Variants in PPP1R9A observed in about 807,000 individuals in gnomAD.
The protein encoded by PPP1R9A is protein phosphatase 1 regulatory subunit 9A.
A neutral mutation model predicts 141.9 loss-of-function variants in PPP1R9A; 59 were observed. That is an observed-to-expected ratio of 0.42 (90% CI 0.34 to 0.52). The LOEUF is 0.52. PPP1R9A is among the 20% of genes least tolerant of loss of function. PPP1R9A has a pLI of 0.10. For synonymous variants in PPP1R9A, 500 were observed against 569.7 expected (o/e 0.88, Z 1.74); for missense variants, 1,444 against 1,611.9 (o/e 0.90, Z 1.78).
intron 2 of PPP1R9A, among the ~76,000 whole-genome samples, chr7:95,073,748 G>GC (rs1229284032): frequency 7.1e-6 from 1 of 140,210 alleles, no homozygotes; most frequent in East Asian, 2.2e-4. Context: ...AATAAATACT[G>GC]TTTTTTTGCT....
Position 95,267,216 on chromosome 7 carries a change from G to A in PPP1R9A, c.2666-1334G>A, listed in dbSNP as rs1405459209. On this transcript the variant is annotated intron_variant, in intron 12 of 19. Coordinates refer to ENST00000433360, the MANE Select transcript of PPP1R9A (RefSeq NM_001166160.2). ...TTCCTTGCTTTGGTTTTGTAGTATAGCATATTTAGAGCACATCTAGAATAA... is the reference window on the plus strand; with the variant it reads ...TTCCTTGCTTTGGTTTTGTAGTATAACATATTTAGAGCACATCTAGAATAA... 5.3e-5 allele frequency among the ~76,000 whole-genome samples: 8 copies of A among 152,216 alleles called. No homozygotes were observed. In the East Asian group the frequency reaches 1.2e-3, roughly 22 times the overall value.
At chr7:95,137,468 C>T (rs962827860) in intron 4 of PPP1R9A, among the ~76,000 whole-genome samples, 1 of 147,368 alleles carries the variant, frequency 6.8e-6, no homozygotes, top group Non-Finnish European at 1.5e-5. Context: ...TGTGGCTTGC[C>T]TTAAAGCTTT....
At chr7:95,196,819 C>T (rs887752783) in intron 5 of PPP1R9A, among the ~76,000 whole-genome samples, 2 of 152,090 alleles carry the variant, frequency 1.3e-5, no homozygotes, top group African/African-American at 2.4e-5. Context: ...TGTTCTGTAT[C>T]TTCATTGGTG....
intron 14 of PPP1R9A, among the ~76,000 whole-genome samples, chr7:95,271,138 T>G (rs1003924503): frequency 1.3e-5 from 2 of 152,200 alleles, no homozygotes; most frequent in African/African-American, 4.8e-5. Context: ...TATCCCAGCC[T>G]GGCTGTAGCA....
intron 2 of PPP1R9A, among the ~76,000 whole-genome samples, chr7:94,937,345 C>T (rs977768932): frequency 6.6e-6 from 1 of 152,110 alleles, no homozygotes; most frequent in African/African-American, 2.4e-5. Flanking sequence ...CACAGATTGT[C>T]ATTTATTCAT....
intron 2 of PPP1R9A, among the ~76,000 whole-genome samples, chr7:95,059,035 C>T (rs142957554): frequency 6.6e-6 from 1 of 152,250 alleles, no homozygotes; most frequent in African/African-American, 2.4e-5. Flanking sequence ...AGTGATCTAC[C>T]CACCTTGGCC....
chr7:95,042,486 C>G (rs1809395154), intron 2 of PPP1R9A, among the ~76,000 whole-genome samples: 4 of 152,176 alleles, frequency 2.6e-5, no homozygotes, highest in Admixed American at 2.6e-4. Flanking sequence ...TTTTTCATCT[C>G]ATCAAGTGAA....
intron 2 of PPP1R9A, among the ~76,000 whole-genome samples, chr7:95,059,806 G>C (rs927118543): frequency 3.3e-5 from 5 of 152,022 alleles, no homozygotes; most frequent in African/African-American, 9.7e-5. Context: ...TTCCTAATGT[G>C]TACTGTGTCA....
In PPP1R9A at chr7:95,011,359, T is replaced by C. The variant is rs1464157394; in HGVS notation, c.1395+99851T>C. ...GGGAATCTTGGCAGACTGTGCTCTG[T>C]TCTATGAGCTACTGATTGTAGGGGG... On this transcript the variant is annotated intron_variant, in intron 2 of 19. Transcript: ENST00000433360. Among the ~76,000 whole-genome samples the C allele has an allele frequency of 2.0e-5, 3 of 152,180 alleles. No homozygotes were observed. In the East Asian group the frequency reaches 5.8e-4, roughly 29 times the overall value.
chr7:95,277,836 C>A (rs116503439), intron 16 of PPP1R9A, among the ~76,000 whole-genome samples: 1,756 of 152,268 alleles, frequency 0.012, 41 homozygotes, highest in African/African-American at 0.041. Flanking sequence ...AAATAAAATC[C>A]TATTCTGTAT....
At chr7:94,949,748 G>A (rs1312930633) in intron 2 of PPP1R9A, among the ~76,000 whole-genome samples, 1 of 152,036 alleles carries the variant, frequency 6.6e-6, no homozygotes, top group African/African-American at 2.4e-5. Context: ...AAGTTAGAGA[G>A]CGCCTAGGGG....
At chr7:95,137,117 G>A (rs1312208754) in intron 4 of PPP1R9A, among the ~76,000 whole-genome samples, 2 of 151,502 alleles carry the variant, frequency 1.3e-5, no homozygotes, top group East Asian at 3.9e-4. Context: ...TAAGTTCTAG[G>A]GTACATGTGC....
chr7:95,138,363 A>T (rs1826057973), intron 4 of PPP1R9A, among the ~76,000 whole-genome samples: 1 of 152,248 alleles, frequency 6.6e-6, no homozygotes, highest in Non-Finnish European at 1.5e-5. Flanking sequence ...TTCACACCAT[A>T]TACAAAGTTA....
At chr7:95,256,469 A>G (rs1799600635) in intron 12 of PPP1R9A, among the ~76,000 whole-genome samples, 1 of 152,196 alleles carries the variant, frequency 6.6e-6, no homozygotes. Flanking sequence ...AGGAACTTCC[A>G]TAACTTGATA....
Position 95,252,088 on chromosome 7 carries a change from T to C in PPP1R9A, c.2623T>C (p.Leu875=), listed in dbSNP as rs780621514. 1 of 1,606,622 alleles carries C rather than the reference T, an allele frequency of 6.2e-7. No individual in the cohort carries two copies. The highest frequency in any genetic ancestry group is 1.1e-5 in the South Asian group (1 of 88,722). ...EVSKGDTMEN[L]DGKQTSCQDG... ...CTCTAAAGGGGATACCATGGAGAAC[T>C]TGGATGGCAAGCAGACATCTTGCCA... is the stretch of plus-strand genomic sequence containing the variant. Residue 875 remains leucine (L), a synonymous_variant, in exon 12 of 20, where the codon TTG becomes CTG. Transcript: ENST00000433360.
intron 2 of PPP1R9A, among the ~76,000 whole-genome samples, chr7:94,984,717 T>A (rs1800581998): frequency 6.6e-6 from 1 of 152,192 alleles, no homozygotes; most frequent in Admixed American, 6.5e-5. Flanking sequence ...TTGATTCTTC[T>A]CTCTTTCCTT....
intron 4 of PPP1R9A, chr7:95,154,926 T>C (rs546897938): frequency 6.6e-6 from 1 of 152,156 alleles, no homozygotes; most frequent in Non-Finnish European, 1.5e-5. Context: ...ATGTCTCATA[T>C]GAAGGACAAG....
intron 7 of PPP1R9A, among the ~76,000 whole-genome samples, chr7:95,206,235 T>C (rs1790759993): frequency 6.6e-6 from 1 of 152,118 alleles, no homozygotes. Flanking sequence ...AACTGAATGG[T>C]GATGTGGCCA....
intron 2 of PPP1R9A, among the ~76,000 whole-genome samples, chr7:95,073,461 T>G (rs547781720): frequency 6.6e-6 from 1 of 152,194 alleles, no homozygotes; most frequent in Admixed American, 6.5e-5. Flanking sequence ...TGCTTTTTAA[T>G]GATTTTGCCT....
Sources: allele counts gnomAD v4.1 joint callset (sites outside exome capture counted in the v4.1 genomes callset), GRCh38; gene constraint gnomAD v4.1.1; transcripts MANE v1.5; gene names NCBI Gene and HGNC (gene_info 2026-07-23, HGNC 2026-07-21).